CAPZA1: variants seen among roughly 807,000 people sequenced by gnomAD.
CAPZA1 encodes the protein F-actin-capping protein subunit alpha-1.
CAPZA1 carries 10 observed loss-of-function variants against 40.8 expected under a neutral mutation model. The ratio of observed to expected loss-of-function variants is 0.25; its 90% CI spans 0.15 to 0.42. CAPZA1 has a LOEUF of 0.42. Ranked by LOEUF, CAPZA1 falls within the 10% of genes least tolerant of loss-of-function variation. CAPZA1 has a pLI of 1.00. For synonymous variants in CAPZA1, 98 were observed against 115.0 expected, an observed-to-expected ratio of 0.85 and a Z score of 0.95; for missense variants, 277 against 353.8, an observed-to-expected ratio of 0.78 and a Z score of 1.74.
At chr1:112,649,563 T>C (rs1671345625) in intron 3 of CAPZA1, 94 bp downstream of exon 3, 2 of 1,006,986 alleles carry the variant, frequency 2.0e-6, no homozygotes, top group Non-Finnish European at 3.1e-6. Context: ...AAGTTTAAAA[T>C]ACTTCAAAGT....
chr1:112,619,991 G>A, intron 1 of CAPZA1, 108 bp downstream of exon 1: 3 of 892,448 alleles, frequency 3.4e-6, no homozygotes, highest in Non-Finnish European at 5.3e-6. Flanking sequence ...AAGCTTCTTG[G>A]TCCATGCTGA....
At chr1:112,635,516 TTTAAC>T (rs568006760) in intron 1 of CAPZA1, among the ~76,000 whole-genome samples, 63 of 152,114 alleles carry the variant, frequency 4.1e-4, no homozygotes, top group Admixed American at 1.9e-3. Context: ...TTGTTAAATA[TTTAAC>T]TTAAAGTTCG....
chr1:112,627,258 G>C (rs951525974), intron 1 of CAPZA1, among the ~76,000 whole-genome samples: 7 of 152,130 alleles, frequency 4.6e-5, no homozygotes, highest in Non-Finnish European at 8.8e-5. Context: ...TAATGACATA[G>C]TCCTAAACAG....
At chr1:112,637,218 C>T (rs1221822784) in intron 1 of CAPZA1, among the ~76,000 whole-genome samples, 3 of 152,192 alleles carry the variant, frequency 2.0e-5, no homozygotes, top group Admixed American at 6.5e-5. Flanking sequence ...ATAGTCTCTC[C>T]CCTGCCTTCT....
At chr1:112,647,404 C>T in intron 2 of CAPZA1, 131 bp downstream of exon 2, 1 of 477,898 alleles carries the variant, frequency 2.1e-6, no homozygotes, top group Non-Finnish European at 3.5e-6. Flanking sequence ...ATTGAAATAA[C>T]TTGTCCAAGG....
rs1168372029 is a variant in CAPZA1, at chr1:112,665,168, G to T, written c.586-1906G>T. Among the ~76,000 whole-genome samples, 13 of 116,408 alleles carry T rather than the reference G, an allele frequency of 1.1e-4. No homozygotes were observed. In the East Asian group the frequency reaches 1.1e-3, roughly 10 times the overall value. 76.4% of individuals were successfully genotyped at this position (116,408 alleles called of 152,430 possible). Reference sequence around the variant, plus strand: ...CATAGACTAGATGTCTTTGTTTGGGGTTTTTTTGTGTTTTTTTTTTTTTTT... The same window carrying T: ...CATAGACTAGATGTCTTTGTTTGGGTTTTTTTTGTGTTTTTTTTTTTTTTT... On this transcript the variant is annotated intron_variant, in intron 7 of 9. Transcript: ENST00000263168.
chr1:112,643,756 C>T (rs1671225891), intron 1 of CAPZA1, among the ~76,000 whole-genome samples: 1 of 152,204 alleles, frequency 6.6e-6, no homozygotes, highest in Non-Finnish European at 1.5e-5. Flanking sequence ...CACAGAGCAG[C>T]TTTTCTTTGT....
rs995115202 is a variant in CAPZA1 at position 112,647,125 on chromosome 1, T to A, written c.40-85T>A. On this transcript the variant is annotated intron_variant, in intron 1 of 9. Coordinates refer to ENST00000263168, the MANE Select transcript of CAPZA1 (RefSeq NM_006135.3). ...AGAACATTTTTTTCAAGGGATATGA[T>A]GAAAATTTATAATTTGTTAATTATT... is the stretch of plus-strand genomic sequence containing the variant. The A allele has an allele frequency of 6.1e-6, 4 of 652,124 alleles. No individual in the cohort carries two copies. In the African/African-American group the frequency reaches 7.4e-5, roughly 12 times the overall value. 40.4% of individuals were successfully genotyped at this position (652,124 alleles called of 1,614,324 possible).
At chr1:112,620,554 T>A (rs1670604723) in intron 1 of CAPZA1, 1 of 152,226 alleles carries the variant, frequency 6.6e-6, no homozygotes, top group South Asian at 2.1e-4. Context: ...TAACGATAAT[T>A]TTTGAAAATT....
intron 5 of CAPZA1, 119 bp from the exon 6 acceptor site, chr1:112,658,903 G>C (rs984925704): frequency 5.4e-6 from 4 of 742,250 alleles, no homozygotes; most frequent in African/African-American, 1.7e-5. Context: ...TGTGTTCTAA[G>C]CTCATTTTAT....
At chr1:112,640,563 C>CT (rs561165146) in intron 1 of CAPZA1, among the ~76,000 whole-genome samples, 72 of 123,654 alleles carry the variant, frequency 5.8e-4, no homozygotes, top group East Asian at 5.3e-3. Flanking sequence ...TGAGGAGCCC[C>CT]CTGCCCGGCC....
chr1:112,649,388 A>G, intron 2 of CAPZA1, 30 bp from the exon 3 acceptor site: 1 of 1,573,134 alleles, frequency 6.4e-7, no homozygotes, highest in Non-Finnish European at 8.7e-7. Flanking sequence ...TTTATCCTCC[A>G]CTGAACATTG....
At chr1:112,641,311 C>A (rs1183701080) in intron 1 of CAPZA1, among the ~76,000 whole-genome samples, 1 of 151,638 alleles carries the variant, frequency 6.6e-6, no homozygotes, top group Non-Finnish European at 1.5e-5. Context: ...ACTTTTTGAA[C>A]ACAGAGGTAA....
intron 9 of CAPZA1, 109 bp from the exon 10 acceptor site, chr1:112,669,874 ATATCCTGTC>A: frequency 3.6e-6 from 4 of 1,103,484 alleles, no homozygotes; most frequent in Non-Finnish European, 5.3e-6. Context: ...TGAAAATAAT[ATATCCTGTC>A]TATCCTTCAC....
intron 2 of CAPZA1, among the ~76,000 whole-genome samples, chr1:112,648,856 G>A (rs1459947856): frequency 2.6e-5 from 4 of 152,146 alleles, no homozygotes; most frequent in Admixed American, 2.0e-4. Flanking sequence ...CCAGCTGCTC[G>A]GGAGGCTGAG....
chr1:112,652,172 C>T (rs1271355172), intron 3 of CAPZA1, among the ~76,000 whole-genome samples: 3 of 150,172 alleles, frequency 2.0e-5, no homozygotes, highest in Non-Finnish European at 4.4e-5. Flanking sequence ...CAACTTTTAA[C>T]AAAATAAGAT....
At chr1:112,662,395 C>CT (rs35100851) in intron 7 of CAPZA1, among the ~76,000 whole-genome samples, 48,250 of 97,398 alleles carry the variant, frequency 0.5, 15,328 homozygotes, top group South Asian at 0.78. Flanking sequence ...TAGAATTTTT[C>CT]TTTTTTTTTT....
chr1:112,658,210 C>A (rs145322049), intron 5 of CAPZA1, among the ~76,000 whole-genome samples: 1 of 152,164 alleles, frequency 6.6e-6, no homozygotes, highest in Non-Finnish European at 1.5e-5. Context: ...TTGGTGATTG[C>A]ATTTCCATTC....
intron 1 of CAPZA1, among the ~76,000 whole-genome samples, chr1:112,643,875 C>T (rs1019566337): frequency 1.3e-5 from 2 of 152,046 alleles, no homozygotes; most frequent in Admixed American, 6.5e-5. Flanking sequence ...GAGACAGTCT[C>T]ACTCTGTCGC....
Sources: allele counts gnomAD v4.1 joint callset (sites outside exome capture counted in the v4.1 genomes callset), GRCh38; gene constraint gnomAD v4.1.1; transcripts MANE v1.5; gene names NCBI Gene and HGNC (gene_info 2026-07-23, HGNC 2026-07-21).